The following TRPM1 variants were observed in gnomAD, a reference collection of about 807,000 sequenced individuals.
The protein encoded by TRPM1 is TRPM1-203 APA Isoform, Intron 10.
TRPM1 carries 113 observed loss-of-function variants against 149.4 expected under a neutral mutation model. That is an observed-to-expected ratio of 0.76 (90% CI 0.65 to 0.88). The LOEUF is 0.88. Ranked by LOEUF, TRPM1 falls within the 40% of genes least tolerant of loss-of-function variation. The pLI is 0.00. For missense variants in TRPM1, 1,976 were observed against 2,038.7 expected (o/e 0.97, Z 0.59); for synonymous variants, 741 against 759.5 (o/e 0.98, Z 0.40).
intron 1 of TRPM1, among the ~76,000 whole-genome samples, chr15:31,157,856 C>T (rs1007934026): frequency 1.1e-4 from 16 of 152,242 alleles, no homozygotes; most frequent in African/African-American, 3.6e-4. Context: ...CCCTGGAAGA[C>T]TCGTACATAG....
At chr15:31,149,509 T>C (rs1373202987) in intron 1 of TRPM1, among the ~76,000 whole-genome samples, 1 of 150,470 alleles carries the variant, frequency 6.6e-6, no homozygotes, top group Non-Finnish European at 1.5e-5. Flanking sequence ...TAGCTCGTCA[T>C]GTGCATCTCT....
chr15:31,062,604 A>G lies in TRPM1; in HGVS notation c.1064T>C (p.Met355Thr), dbSNP rs190405427. ...AQSHQLFAII[M>T]ECMKKKELVT... ...GAGTTCTTTCTTCTTCATGCACTCC[A>G]TTATAATTGCAAACAGCTGATGTGA... is the stretch of plus-strand genomic sequence containing the variant. Residue 355 changes from methionine (M) to threonine (T), a missense_variant, in exon 9 of 28, where the codon ATG (methionine) becomes ACG (threonine). Around this residue, in one of 3 missense-constraint regions of TRPM1, gnomAD observed 1,332 missense variants for 1,347.1 expected, o/e 0.99. Transcript: ENST00000256552. The G allele has an allele frequency of 9.3e-6, 15 of 1,614,226 alleles. No individual in the cohort carries two copies. The East Asian group carries it at 2.0e-4, about 22-fold the overall frequency.
At chr15:31,148,371 C>A (rs539005132) in intron 1 of TRPM1, among the ~76,000 whole-genome samples, 74 of 152,302 alleles carry the variant, frequency 4.9e-4, no homozygotes, top group African/African-American at 1.7e-3. Flanking sequence ...GGGCTGGGAG[C>A]CTTCTGGTGG....
At chr15:31,036,987 G>A (rs950791355) in intron 20 of TRPM1, among the ~76,000 whole-genome samples, 3 of 152,226 alleles carry the variant, frequency 2.0e-5, no homozygotes, top group African/African-American at 4.8e-5. Flanking sequence ...CCTGGCGGGG[G>A]CTGTGGCTTG....
In TRPM1 at chr15:31,007,652, G is replaced by GCAA. The variant is rs55739225; in HGVS notation, c.3630-4585_3630-4583dup. On this transcript the variant is annotated intron_variant, in intron 27 of 27. Coordinates refer to ENST00000256552, the MANE Select transcript of TRPM1 (RefSeq NM_001252024.2). ...CTTCGTCTATAACAACAGCAGCGCA[G>GCAA]CAACAACAACAACAACAACAACAAC... 7.3e-3 allele frequency among the ~76,000 whole-genome samples: 1,020 copies of GCAA among 139,884 alleles called. 10 individuals carry two copies. Among genetic ancestry groups the GCAA allele is most frequent in the East Asian group, 0.07 (347 of 4,992 alleles). The allele number at this position is 139,884 out of a possible 152,430, so 91.8% of individuals were successfully genotyped here. A position where few individuals can be genotyped will look rare whatever the true frequency, so the allele number is the denominator to read the frequency against.
At chr15:31,086,609 T>A (rs1243744343) in intron 1 of TRPM1, among the ~76,000 whole-genome samples, 1 of 152,140 alleles carries the variant, frequency 6.6e-6, no homozygotes, top group Non-Finnish European at 1.5e-5. Context: ...CAGCAGGGGC[T>A]CCAGGGTCTG....
intron 1 of TRPM1, among the ~76,000 whole-genome samples, chr15:31,095,167 A>T (rs982406659): frequency 1.3e-5 from 2 of 152,248 alleles, no homozygotes; most frequent in African/African-American, 4.8e-5. Flanking sequence ...GAATAGATAA[A>T]TCCATACAGA....
intron 11 of TRPM1, among the ~76,000 whole-genome samples, chr15:31,054,874 G>C (rs1458114617): frequency 6.6e-6 from 1 of 152,012 alleles, no homozygotes; most frequent in Non-Finnish European, 1.5e-5. Flanking sequence ...TGTACAATAG[G>C]TCTCCAGAAT....
chr15:31,159,442 G>C (rs901862275), intron 1 of TRPM1, among the ~76,000 whole-genome samples: 1 of 152,170 alleles, frequency 6.6e-6, no homozygotes, highest in Non-Finnish European at 1.5e-5. Flanking sequence ...CGGGCTGCAC[G>C]GCCAGTGGCA....
intron 1 of TRPM1, among the ~76,000 whole-genome samples, chr15:31,089,930 T>C (rs989114906): frequency 2.6e-5 from 4 of 152,188 alleles, no homozygotes; most frequent in Admixed American, 2.6e-4. Context: ...GGGAGCACCG[T>C]GTGGGGGTGG....
At chr15:31,038,923 A>G (rs1226735901) in intron 18 of TRPM1, among the ~76,000 whole-genome samples, 2 of 151,684 alleles carry the variant, frequency 1.3e-5, no homozygotes, top group Non-Finnish European at 2.9e-5. Context: ...AAGGACTAAC[A>G]TGGGCTCGGC....
intron 1 of TRPM1, among the ~76,000 whole-genome samples, chr15:31,093,792 A>G (rs979256581): frequency 2.0e-5 from 3 of 152,018 alleles, no homozygotes; most frequent in Non-Finnish European, 2.9e-5. Flanking sequence ...TAGTAGAGAT[A>G]GGGTTTCACC....
intron 23 of TRPM1, 57 bp from the exon 24 acceptor site, chr15:31,029,448 G>GGAAAGAAAATAAGATGATGGTT: frequency 6.4e-7 from 1 of 1,565,558 alleles, no homozygotes; most frequent in African/African-American, 1.4e-5. Flanking sequence ...CAGGAGGGGA[G>GGAAAGAAAATAAGATGATGGTT]GAAAGAAAAT....
chr15:31,067,862 A>C lies in TRPM1; in HGVS notation c.493+17T>G, dbSNP rs1472050843. 6.2e-7 allele frequency: 1 copy of C among 1,611,650 alleles called. No individual in the cohort carries two copies. On this transcript the variant is annotated intron_variant, in intron 5 of 27. Coordinates refer to ENST00000256552, the MANE Select transcript of TRPM1 (RefSeq NM_001252024.2). ...GGTGGTACATTGATTATCGGGAGGGAAAGGGCCTGCTCTTACCTGTGCTGA... is the reference window on the plus strand; with the variant it reads ...GGTGGTACATTGATTATCGGGAGGGCAAGGGCCTGCTCTTACCTGTGCTGA...
chr15:31,137,124 C>A (rs2036099865), intron 1 of TRPM1, among the ~76,000 whole-genome samples: 1 of 152,184 alleles, frequency 6.6e-6, no homozygotes, highest in East Asian at 1.9e-4. Flanking sequence ...GGGCACACCA[C>A]CTTTCGGTTT....
At chr15:31,044,932 A>T (rs1013868457) in intron 16 of TRPM1, among the ~76,000 whole-genome samples, 1 of 152,132 alleles carries the variant, frequency 6.6e-6, no homozygotes, top group Non-Finnish European at 1.5e-5. Flanking sequence ...ACTATAAATG[A>T]CCAAAGTTGA....
At chr15:31,049,879 G>A (rs1345372967) in intron 12 of TRPM1, among the ~76,000 whole-genome samples, 1 of 152,162 alleles carries the variant, frequency 6.6e-6, no homozygotes, top group African/African-American at 2.4e-5. Context: ...CCGTGTGGGT[G>A]AGTGACTGTG....
rs867249509 is a variant in TRPM1 at position 31,035,765 on chromosome 15, A to G, written c.2572-91T>C. 4.1e-5 allele frequency: 64 copies of G among 1,575,726 alleles called. 2 individuals carry two copies. In the South Asian group the frequency reaches 5.9e-4, roughly 15 times the overall value. Reference sequence around the variant, plus strand: ...TGTTTTCTTTCAGGTTGACACATCTAAAAGAATCTTTGTTTCCAACTGGAC... The same window carrying G: ...TGTTTTCTTTCAGGTTGACACATCTGAAAGAATCTTTGTTTCCAACTGGAC... On this transcript the variant is annotated intron_variant, in intron 20 of 27. Coordinates refer to ENST00000256552, the MANE Select transcript of TRPM1 (RefSeq NM_001252024.2).
chr15:31,113,388 A>G lies in TRPM1; in HGVS notation c.55-36404T>C, dbSNP rs138327916. On this transcript the variant is annotated intron_variant, in intron 1 of 26. Transcript: ENST00000542188. ...ACTGTCACAACCAACGGGGTTCTCC[A>G]AAGGGTCACCTATGCATACAGAATT... Among the ~76,000 whole-genome samples the G allele has an allele frequency of 2.8e-3, 422 of 151,970 alleles. 4 individuals carry two copies. The highest frequency in any genetic ancestry group is 9.7e-3 in the African/African-American group (404 of 41,436).
Sources: allele counts gnomAD v4.1 joint callset (sites outside exome capture counted in the v4.1 genomes callset), GRCh38; gene constraint gnomAD v4.1.1; regional missense constraint gnomAD v4.1.1; transcripts MANE v1.5; gene names NCBI Gene and HGNC (gene_info 2026-07-23, HGNC 2026-07-21).